The following DSCAML1 variants were observed in gnomAD, a reference collection of about 807,000 sequenced individuals.
DSCAML1 encodes DS cell adhesion molecule like 1.
DSCAML1 carries 38 observed loss-of-function variants against 200.5 expected under a neutral mutation model. The ratio of observed to expected loss-of-function variants is 0.19; its 90% CI spans 0.15 to 0.25. DSCAML1 has a LOEUF of 0.25. Ranked by LOEUF, DSCAML1 falls within the 10% of genes least tolerant of loss-of-function variation. DSCAML1 has a pLI of 1.00. For missense variants in DSCAML1, 2,223 were observed against 2,858.8 expected (o/e 0.78, Z 5.07); for synonymous variants, 1,215 against 1,165.0 (o/e 1.04, Z -0.87).
At chr11:117,432,286 T>C in intron 30 of DSCAML1, 66 bp downstream of exon 30, 1 of 1,496,092 alleles carries the variant, frequency 6.7e-7, no homozygotes, top group Non-Finnish European at 9.0e-7. Flanking sequence ...ACACCACCTC[T>C]GTGTCATGCT....
intron 20 of DSCAML1, among the ~76,000 whole-genome samples, chr11:117,450,273 C>T (rs1592596376): frequency 6.6e-6 from 1 of 152,248 alleles, no homozygotes; most frequent in African/African-American, 2.4e-5. Context: ...GGCTGACCTC[C>T]CTTCCACCCT....
rs4312099 is a variant in DSCAML1 at position 117,514,882 on chromosome 11, T to C, written c.1783+1585A>G. The stretch of plus-strand genomic sequence containing the variant: ...CAGGCGTGGGCCACTGCACCCGGCC[T>C]TTCTTAACTTTTCTATGCCTCCACT... On this transcript the variant is annotated intron_variant, in intron 8 of 32. Coordinates refer to ENST00000651296, the MANE Select transcript of DSCAML1 (RefSeq NM_020693.4). Among the ~76,000 whole-genome samples the C allele has an allele frequency of 7.1e-3, 1,086 of 152,334 alleles. 13 individuals carry two copies. The highest frequency in any genetic ancestry group is 0.034 in the South Asian group (166 of 4,824).
chr11:117,503,525 T>C lies in DSCAML1; in HGVS notation c.2359+320A>G, dbSNP rs1303623978. 6.6e-6 allele frequency among the ~76,000 whole-genome samples: 1 copy of C among 152,190 alleles called. No individual in the cohort carries two copies. Among genetic ancestry groups the C allele is most frequent in the Non-Finnish European group, 1.5e-5 (1 of 68,044 alleles). On this transcript the variant is annotated intron_variant, in intron 11 of 32. Coordinates refer to ENST00000651296, the MANE Select transcript of DSCAML1 (RefSeq NM_020693.4). The surrounding 1 kb of genome is among the most constrained non-coding windows in gnomAD (Gnocchi z 5.2). ...TAAGTAGCAAAAATAAATGGTTTGATAGGATTATTCAGATCGAATCGCCAA... is the reference window on the plus strand; with the variant it reads ...TAAGTAGCAAAAATAAATGGTTTGACAGGATTATTCAGATCGAATCGCCAA...
intron 3 of DSCAML1, among the ~76,000 whole-genome samples, chr11:117,595,577 G>A (rs952260788): frequency 6.6e-6 from 1 of 152,198 alleles, no homozygotes; most frequent in Non-Finnish European, 1.5e-5. Context: ...AAATGGCAGG[G>A]ATAACAGAAC....
chr11:117,677,113 C>G (rs1162213946), intron 3 of DSCAML1, among the ~76,000 whole-genome samples: 1 of 152,222 alleles, frequency 6.6e-6, no homozygotes, highest in African/African-American at 2.4e-5. Context: ...TCCAAGTCTC[C>G]TTTTGGCTCT....
At chr11:117,608,707 A>G (rs2051624719) in intron 3 of DSCAML1, among the ~76,000 whole-genome samples, 1 of 152,128 alleles carries the variant, frequency 6.6e-6, no homozygotes, top group African/African-American at 2.4e-5. Context: ...TGTATTTCTG[A>G]TTATTTTCTT....
chr11:117,736,274 C>T (rs1410626780), intron 3 of DSCAML1, among the ~76,000 whole-genome samples: 1 of 152,146 alleles, frequency 6.6e-6, no homozygotes, highest in Non-Finnish European at 1.5e-5. Flanking sequence ...GTGTCTGCGT[C>T]GGGCCTTGAT....
intron 3 of DSCAML1, among the ~76,000 whole-genome samples, chr11:117,634,128 A>T (rs2052228255): frequency 6.6e-6 from 1 of 152,216 alleles, no homozygotes; most frequent in Non-Finnish European, 1.5e-5. Context: ...CCCAGGGCAG[A>T]GGGGGACCGG....
Position 117,780,306 on chromosome 11 carries a change from GAGA to G in DSCAML1, c.364+184_364+186del, listed in dbSNP as rs2055229061. ...AAAGAAAGAAAGAAAGAAAGAAAGA[GAGA>G]AAGGAGAAAGAAAGGTGTCTCTTAT... On this transcript the variant is annotated intron_variant, in intron 2 of 32. Coordinates refer to ENST00000651296, the MANE Select transcript of DSCAML1 (RefSeq NM_020693.4). This position sits in a 1 kb window ranked among gnomAD's most constrained non-coding sequence, Gnocchi z 4.8. Among the ~76,000 whole-genome samples, 2 of 99,200 alleles carry G rather than the reference GAGA, an allele frequency of 2.0e-5. No homozygotes were observed. Among genetic ancestry groups the G allele is most frequent in the Non-Finnish European group, 4.3e-5 (2 of 45,994 alleles). 65.1% of individuals were successfully genotyped at this position (99,200 alleles called of 152,430 possible).
intron 19 of DSCAML1, among the ~76,000 whole-genome samples, chr11:117,454,192 A>C (rs1229481522): frequency 6.6e-6 from 1 of 152,048 alleles, no homozygotes. Context: ...TGGTCTGTGG[A>C]TCATTACCAG....
At chr11:117,676,730 A>G (rs533058972) in intron 3 of DSCAML1, among the ~76,000 whole-genome samples, 39 of 152,202 alleles carry the variant, frequency 2.6e-4, no homozygotes, top group Non-Finnish European at 5.4e-4. Flanking sequence ...GCTTCACTTT[A>G]CAGGGCCAGG....
intron 3 of DSCAML1, among the ~76,000 whole-genome samples, chr11:117,692,585 G>A (rs2053515902): frequency 6.6e-6 from 1 of 152,164 alleles, no homozygotes; most frequent in African/African-American, 2.4e-5. Context: ...GACACGTAGA[G>A]TCATAGCCGC....
chr11:117,675,663 G>A (rs572370799), intron 3 of DSCAML1, among the ~76,000 whole-genome samples: 5 of 151,810 alleles, frequency 3.3e-5, no homozygotes, highest in South Asian at 2.1e-4. Context: ...AGACAGGCCC[G>A]GCTGCGTGGT....
In DSCAML1 at chr11:117,437,814, C is replaced by T; in HGVS notation, c.4432+81G>A. 4 of 1,437,822 alleles carry T rather than the reference C, an allele frequency of 2.8e-6. No individual in the cohort carries two copies. The highest frequency in any genetic ancestry group is 3.7e-6 in the Non-Finnish European group (4 of 1,086,646). 89.1% of individuals were successfully genotyped at this position (1,437,822 alleles called of 1,614,324 possible). On this transcript the variant is annotated intron_variant, in intron 25 of 32. Coordinates refer to ENST00000651296, the MANE Select transcript of DSCAML1 (RefSeq NM_020693.4). The surrounding 1 kb of genome is among the most constrained non-coding windows in gnomAD (Gnocchi z 5.3). ...ACCCCTCCTTCCCCACCCCAGCCAC[C>T]TTACACCCCATACCTGGCCCCTCTA...
intron 20 of DSCAML1, among the ~76,000 whole-genome samples, chr11:117,447,231 C>A (rs111446534): frequency 0.013 from 2,033 of 152,170 alleles, 23 homozygotes; most frequent in Middle Eastern, 0.065. Context: ...GAGGATACAG[C>A]GAGCTGAGAT....
Position 117,428,757 on chromosome 11 carries a change from AAAG to A in DSCAML1, c.5730_5732del (p.Phe1911del), listed in dbSNP as rs2047720578. The A allele has an allele frequency of 6.2e-7, 1 of 1,611,808 alleles. No individual in the cohort carries two copies. Among genetic ancestry groups the A allele is most frequent in the Non-Finnish European group, 8.5e-7 (1 of 1,179,416 alleles). On this transcript the variant is annotated inframe_deletion, in exon 33 of 33. Coordinates refer to ENST00000651296, the MANE Select transcript of DSCAML1 (RefSeq NM_020693.4). ...AGGGCTCACGTCCATCTGCCTTTCG[AAAG>A]AAGGCCTCTGACTTGGCATACAGGG...
At chr11:117,511,851 A>G (rs2049624746) in intron 8 of DSCAML1, among the ~76,000 whole-genome samples, 1 of 152,250 alleles carries the variant, frequency 6.6e-6, no homozygotes, top group Non-Finnish European at 1.5e-5. Context: ...TCAAGTGTGA[A>G]TGGGCTAATG....
At chr11:117,431,766 A>G in intron 30 of DSCAML1, 38 bp from the exon 31 acceptor site, 2 of 1,497,596 alleles carry the variant, frequency 1.3e-6, no homozygotes, top group East Asian at 2.4e-5. Context: ...TCCTCCAACC[A>G]AAGGCACCCA....
In DSCAML1 at chr11:117,428,390, C is replaced by G. The variant is rs202136721; in HGVS notation, c.6100G>C (p.Gly2034Arg). The change falls in exon 33 of 33, where the codon GGG (glycine) becomes CGG (arginine). Residue 2034 changes from glycine (G) to arginine (R), a missense_variant. Physicochemically the swap from Gly to Arg is moderately radical, Grantham distance 125. Around this residue, in one of 7 missense-constraint regions of DSCAML1, gnomAD observed 280 missense variants for 213.4 expected, o/e 1.31. Transcript: ENST00000651296. ...RDSLLEMSTS[G>R]VGRSQKQGAG... ...CCCTGCTTCTGAGACCTCCCTACCC[C>G]CGATGTGCTCATCTCGAGAAGCGAG... 9 of 1,584,990 alleles carry G rather than the reference C, an allele frequency of 5.7e-6. No individual in the cohort carries two copies. Among genetic ancestry groups the G allele is most frequent in the Admixed American group, 3.9e-5 (2 of 51,312 alleles).
Sources: gnomAD v4.1 joint callset for allele counts (sites outside exome capture counted in the v4.1 genomes callset) on GRCh38, gnomAD v4.1.1 for gene constraint, gnomAD v4.1.1 regional missense constraint, Gnocchi (gnomAD v3.1) non-coding constraint, MANE v1.5 for transcripts, NCBI Gene and HGNC (gene_info 2026-07-23, HGNC 2026-07-21) for gene names.